Variants in ANKS1B observed in about 807,000 individuals in gnomAD.
ANKS1B encodes the protein ankyrin repeat and sterile alpha motif domain containing 1B.
Under a neutral mutation model 148.3 loss-of-function variants are expected in ANKS1B, and 36 were observed. The observed-to-expected ratio is 0.24, with a 90% CI of 0.19 to 0.32. ANKS1B has a LOEUF of 0.32. Among genes scored for constraint, ANKS1B ranks in the 10% least tolerant of loss-of-function variants. The pLI is 1.00. For missense variants in ANKS1B, 1,157 were observed against 1,542.6 expected, an observed-to-expected ratio of 0.75 and a Z score of 4.19; for synonymous variants, 542 against 560.8, an observed-to-expected ratio of 0.97 and a Z score of 0.47.
chr12:98,914,404 G>C (rs2099791195), intron 17 of ANKS1B, among the ~76,000 whole-genome samples: 1 of 152,032 alleles, frequency 6.6e-6, no homozygotes, highest in African/African-American at 2.4e-5. Flanking sequence ...AGCAACACAA[G>C]AACAGTCTAA....
At chr12:98,946,601 A>C (rs1039222133) in intron 17 of ANKS1B, among the ~76,000 whole-genome samples, 2 of 152,148 alleles carry the variant, frequency 1.3e-5, no homozygotes, top group Admixed American at 6.5e-5. Context: ...ATTGGGGGAA[A>C]GATGAGAGCA....
At chr12:99,797,037 G>T (rs1196081325) in intron 4 of ANKS1B, among the ~76,000 whole-genome samples, 1 of 151,814 alleles carries the variant, frequency 6.6e-6, no homozygotes, top group Non-Finnish European at 1.5e-5. Flanking sequence ...GGAATGGATT[G>T]GTCTCATAAT....
At chr12:99,923,224 T>A (rs189598389) in intron 1 of ANKS1B, among the ~76,000 whole-genome samples, 2 of 152,286 alleles carry the variant, frequency 1.3e-5, no homozygotes, top group African/African-American at 4.8e-5. Context: ...GAAACAGACA[T>A]GTAATCCATA....
chr12:98,878,755 T>A (rs976740148), intron 17 of ANKS1B, among the ~76,000 whole-genome samples: 1 of 152,180 alleles, frequency 6.6e-6, no homozygotes, highest in Non-Finnish European at 1.5e-5. Context: ...AATGACATAA[T>A]TGATACAACC....
intron 10 of ANKS1B, among the ~76,000 whole-genome samples, chr12:99,468,758 T>C (rs2096182072): frequency 6.6e-6 from 1 of 152,038 alleles, no homozygotes; most frequent in African/African-American, 2.4e-5. Flanking sequence ...TCACACCAGT[T>C]AGAATGGCAA....
At chr12:99,740,396 C>T (rs1306880276) in intron 8 of ANKS1B, among the ~76,000 whole-genome samples, 1 of 152,128 alleles carries the variant, frequency 6.6e-6, no homozygotes, top group Admixed American at 6.6e-5. Context: ...TATTATAATG[C>T]AGCACCTCTG....
intron 9 of ANKS1B, among the ~76,000 whole-genome samples, chr12:99,598,950 C>G (rs1051851052): frequency 2.0e-5 from 3 of 152,074 alleles, no homozygotes; most frequent in African/African-American, 7.2e-5. Flanking sequence ...TCCAGAGGCT[C>G]TAGGGGAAAT....
rs951048753 is a variant in ANKS1B at position 99,428,860 on chromosome 12, A to C, written c.1575+14813T>G. ...CTAGGACTGGAAAATCATATATGAG[A>C]TAAGCCTAGAAATCCCGATGTTCCA... On this transcript the variant is annotated intron_variant, in intron 11 of 26. Transcript: ENST00000683438. Among the ~76,000 whole-genome samples the C allele has an allele frequency of 3.9e-5, 6 of 152,328 alleles. No individual in the cohort carries two copies. In the South Asian group the frequency reaches 1.2e-3, roughly 32 times the overall value.
intron 17 of ANKS1B, among the ~76,000 whole-genome samples, chr12:99,010,622 T>C (rs1242972547): frequency 6.6e-6 from 1 of 152,082 alleles, no homozygotes; most frequent in East Asian, 1.9e-4. Flanking sequence ...CCCAAGGTAA[T>C]ACAGCTAAAA....
chr12:99,560,172 T>C (rs1196152030), intron 9 of ANKS1B, among the ~76,000 whole-genome samples: 5 of 151,972 alleles, frequency 3.3e-5, no homozygotes, highest in Non-Finnish European at 7.4e-5. Flanking sequence ...TGAAGAGGAA[T>C]TGATCTCTAA....
chr12:98,765,204 A>G (rs565517901), intron 25 of ANKS1B, among the ~76,000 whole-genome samples: 1 of 152,328 alleles, frequency 6.6e-6, no homozygotes, highest in East Asian at 1.9e-4. Context: ...CCTTGCAATC[A>G]CCATAGGAGG....
intron 15 of ANKS1B, among the ~76,000 whole-genome samples, chr12:99,108,394 T>A (rs2059650364): frequency 6.6e-6 from 1 of 152,176 alleles, no homozygotes; most frequent in Non-Finnish European, 1.5e-5. Flanking sequence ...CACATAGTAG[T>A]CAATTAATAT....
chr12:98,905,112 T>C (rs2099777139), intron 17 of ANKS1B, among the ~76,000 whole-genome samples: 1 of 152,182 alleles, frequency 6.6e-6, no homozygotes, highest in Non-Finnish European at 1.5e-5. Context: ...TTGTTTCTAT[T>C]TTATAGATGA....
intron 15 of ANKS1B, among the ~76,000 whole-genome samples, chr12:99,096,695 A>G (rs1055374987): frequency 1.3e-5 from 2 of 152,284 alleles, no homozygotes; most frequent in Middle Eastern, 3.4e-3. Flanking sequence ...GGATATTCTC[A>G]TTTTTTAACT....
intron 9 of ANKS1B, among the ~76,000 whole-genome samples, chr12:99,599,885 TGAAAATTTAG>T (rs537162404): frequency 5.7e-4 from 87 of 152,216 alleles, no homozygotes; most frequent in Non-Finnish European, 1.1e-3. Context: ...CATCTAAATT[TGAAAATTTAG>T]AGATCTAGAT....
At chr12:98,905,921 T>C (rs1428000845) in intron 17 of ANKS1B, among the ~76,000 whole-genome samples, 1 of 152,150 alleles carries the variant, frequency 6.6e-6, no homozygotes, top group Admixed American at 6.5e-5. Flanking sequence ...ATAAGGTCTA[T>C]GGTGCAGTGC....
At position 98,753,081 on chromosome 12, in the gene ANKS1B, A is replaced by G. The variant is rs113409524; in HGVS notation, c.3580-1559T>C. Among the ~76,000 whole-genome samples, 599 of 152,268 alleles carry G rather than the reference A, an allele frequency of 3.9e-3. 1 individual carries two copies. Among genetic ancestry groups the G allele is most frequent in the African/African-American group, 0.014 (574 of 41,552 alleles). On this transcript the variant is annotated intron_variant, in intron 25 of 26. Coordinates refer to ENST00000683438, the MANE Select transcript of ANKS1B (RefSeq NM_001352186.2). ...GGTCCACTCTATATTTTATCATGAAATCAGCAAGAGACAGGTGATTCTGTC... is the reference window on the plus strand; with the variant it reads ...GGTCCACTCTATATTTTATCATGAAGTCAGCAAGAGACAGGTGATTCTGTC...
intron 10 of ANKS1B, among the ~76,000 whole-genome samples, chr12:99,475,378 A>G (rs969335063): frequency 2.6e-5 from 4 of 151,864 alleles, no homozygotes; most frequent in Non-Finnish European, 5.9e-5. Flanking sequence ...GCATTCTAAC[A>G]ATAAACACCT....
At chr12:99,741,052 A>G (rs2060050215) in intron 8 of ANKS1B, among the ~76,000 whole-genome samples, 1 of 152,060 alleles carries the variant, frequency 6.6e-6, no homozygotes, top group African/African-American at 2.4e-5. Context: ...TACTGAAAAT[A>G]CAAAAATTAG....
Sources: gnomAD v4.1 joint callset for allele counts (sites outside exome capture counted in the v4.1 genomes callset) on GRCh38, gnomAD v4.1.1 for gene constraint, MANE v1.5 for transcripts, NCBI Gene and HGNC (gene_info 2026-07-23, HGNC 2026-07-21) for gene names.